Variants in SPART observed in about 807,000 individuals in gnomAD.
SPART encodes spastic paraplegia 20 (Troyer syndrome).
In SPART, 35 loss-of-function variants were observed where a neutral mutation model predicts 58.7. The ratio of observed to expected loss-of-function variants is 0.60; its 90% CI spans 0.46 to 0.79. The LOEUF (loss-of-function observed/expected upper bound fraction) is 0.79. Ranked by LOEUF, SPART falls within the 30% of genes least tolerant of loss-of-function variation. The pLI, the probability that SPART is intolerant of heterozygous loss-of-function variation, is 0.00. For missense variants in SPART, 730 were observed against 786.1 expected (o/e 0.93, Z 0.85); for synonymous variants, 284 against 280.7 (o/e 1.01, Z -0.12).
chr13:36,303,557 A>T lies in SPART; in HGVS notation c.*808T>A, dbSNP rs1389777566. 1 of 152,120 alleles carries T rather than the reference A, an allele frequency of 6.6e-6. No homozygotes were observed. The highest frequency in any genetic ancestry group is 1.5e-5 in the Non-Finnish European group (1 of 67,990). The allele number at this position is 152,120 out of a possible 1,614,324, so 9.4% of individuals were successfully genotyped here. On this transcript the variant is annotated 3_prime_UTR_variant, in exon 9 of 9. Transcript: ENST00000438666. ...AATTGTTTATATATATTTTTTTTAC[A>T]AGTTTTAACCTTTTGGAAAAACAGA...
intron 8 of SPART, chr13:36,308,587 C>T (rs2137283673): frequency 6.6e-6 from 1 of 151,270 alleles, no homozygotes; most frequent in East Asian, 1.9e-4. Context: ...TCCAGTATTT[C>T]CTAGTTATGT....
At chr13:36,311,669 TTC>T (rs1881120127) in intron 8 of SPART, among the ~76,000 whole-genome samples, 1 of 152,186 alleles carries the variant, frequency 6.6e-6, no homozygotes, top group Non-Finnish European at 1.5e-5. Flanking sequence ...GTGACAAGAA[TTC>T]TGTTATTATA....
In SPART at chr13:36,335,418, T is replaced by C; in HGVS notation, c.413A>G (p.His138Arg). 7 of 1,614,108 alleles carry C rather than the reference T, an allele frequency of 4.3e-6. No individual in the cohort carries two copies. The highest frequency in any genetic ancestry group is 5.9e-6 in the Non-Finnish European group (7 of 1,180,010). ...EPQSFSSAPQ[H>R]AEVNGNTSTP... ...TGAGGTGTTTCCATTTACTTCAGCA[T>C]GCTGAGGAGCTGAACTAAAAGACTG... The change falls in exon 2 of 9, where the codon CAT becomes CGT. Residue 138 changes from histidine (H) to arginine (R), a missense_variant. Physicochemically the swap from His to Arg is conservative, Grantham distance 29 (BLOSUM62 0). Transcript: ENST00000438666.
chr13:36,317,196 C>G (rs1367119396), intron 5 of SPART, among the ~76,000 whole-genome samples: 1 of 152,186 alleles, frequency 6.6e-6, no homozygotes, highest in East Asian at 1.9e-4. Context: ...CGCAGGGATG[C>G]CTGCCTTGGT....
At chr13:36,316,788 C>T (rs1223790874) in intron 5 of SPART, among the ~76,000 whole-genome samples, 2 of 152,148 alleles carry the variant, frequency 1.3e-5, no homozygotes, top group African/African-American at 2.4e-5. Context: ...TGCCGTGACT[C>T]GGATCAGGGG....
chr13:36,344,651 A>C (rs1884893658), intron 1 of SPART, among the ~76,000 whole-genome samples: 1 of 152,206 alleles, frequency 6.6e-6, no homozygotes, highest in South Asian at 2.1e-4. Context: ...CATTTTACAG[A>C]AATAAGGATT....
intron 1 of SPART, among the ~76,000 whole-genome samples, chr13:36,362,309 G>A (rs1306255538): frequency 1.4e-5 from 2 of 138,670 alleles, no homozygotes; most frequent in Admixed American, 1.6e-4. Flanking sequence ...CTGCAATTAC[G>A]CCACTGCACT....
At chr13:36,333,509 T>C (rs977641866) in intron 2 of SPART, among the ~76,000 whole-genome samples, 2 of 151,466 alleles carry the variant, frequency 1.3e-5, no homozygotes, top group East Asian at 3.9e-4. Context: ...TACAAATACC[T>C]GAATACAAGC....
At chr13:36,324,878 G>A (rs1219385675) in intron 5 of SPART, among the ~76,000 whole-genome samples, 3 of 152,176 alleles carry the variant, frequency 2.0e-5, no homozygotes, top group Admixed American at 6.5e-5. Flanking sequence ...AGGCAGGAGT[G>A]GGGGTCGCAA....
intron 5 of SPART, among the ~76,000 whole-genome samples, chr13:36,324,197 G>T (rs1882686309): frequency 6.6e-6 from 1 of 152,178 alleles, no homozygotes; most frequent in South Asian, 2.1e-4. Context: ...CATCTGGGCT[G>T]GCTTGTTGTT....
At chr13:36,362,273 C>T (rs1424041449) in intron 1 of SPART, among the ~76,000 whole-genome samples, 1 of 151,644 alleles carries the variant, frequency 6.6e-6, no homozygotes, top group Admixed American at 6.6e-5. Flanking sequence ...ATCACTTGAC[C>T]CCCAGGAGGT....
intron 8 of SPART, among the ~76,000 whole-genome samples, chr13:36,306,446 T>C (rs1400978878): frequency 6.6e-6 from 1 of 152,046 alleles, no homozygotes; most frequent in African/African-American, 2.4e-5. Context: ...TCCAGAACCA[T>C]GTGAGCTACA....
intron 5 of SPART, among the ~76,000 whole-genome samples, chr13:36,323,157 CT>C (rs1882585079): frequency 6.6e-6 from 1 of 152,180 alleles, no homozygotes; most frequent in Non-Finnish European, 1.5e-5. Flanking sequence ...TCCATGTCAA[CT>C]GTTTGCCTAG....
At chr13:36,325,931 C>T (rs946773589) in intron 5 of SPART, 6 of 152,338 alleles carry the variant, frequency 3.9e-5, no homozygotes, top group African/African-American at 1.4e-4. Context: ...TTATTAACAA[C>T]AAAAATTTAT....
intron 1 of SPART, among the ~76,000 whole-genome samples, chr13:36,343,265 T>A (rs1216466383): frequency 1.3e-5 from 2 of 152,154 alleles, no homozygotes; most frequent in Non-Finnish European, 2.9e-5. Flanking sequence ...AAGCCATGTA[T>A]CACAGAGATT....
intron 4 of SPART, among the ~76,000 whole-genome samples, chr13:36,326,902 T>A (rs1882991807): frequency 6.6e-6 from 1 of 152,060 alleles, no homozygotes; most frequent in South Asian, 2.1e-4. Flanking sequence ...TCCATATAAA[T>A]CTTGACTGGT....
intron 5 of SPART, among the ~76,000 whole-genome samples, chr13:36,314,998 C>T (rs950688939): frequency 1.3e-5 from 2 of 152,188 alleles, no homozygotes; most frequent in African/African-American, 4.8e-5. Context: ...ATCTCAGCAC[C>T]GTTTAGCTTG....
At chr13:36,366,044 G>A (rs964468354) in intron 1 of SPART, among the ~76,000 whole-genome samples, 2 of 151,990 alleles carry the variant, frequency 1.3e-5, no homozygotes, top group Non-Finnish European at 1.5e-5. Context: ...GTGTGACCAG[G>A]GTTTTCTAAA....
At chr13:36,359,955 C>T (rs9575989) in intron 1 of SPART, among the ~76,000 whole-genome samples, 119,134 of 144,960 alleles carry the variant, frequency 0.82, 49,109 homozygotes, top group African/African-American at 0.9. Context: ...CCTCTTTGAA[C>T]ATAGTAGATG....
Sources: gnomAD v4.1 joint callset for allele counts (sites outside exome capture counted in the v4.1 genomes callset) on GRCh38, gnomAD v4.1.1 for gene constraint, MANE v1.5 for transcripts, NCBI Gene and HGNC (gene_info 2026-07-23, HGNC 2026-07-21) for gene names.